FAM222B: variants seen among roughly 807,000 people sequenced by gnomAD.
FAM222B encodes family with sequence similarity 222 member B.
A neutral mutation model predicts 38.0 loss-of-function variants in FAM222B; 12 were observed. The observed-to-expected ratio is 0.32, with a 90% CI of 0.20 to 0.51. FAM222B has a LOEUF of 0.51. FAM222B is among the 20% of genes least tolerant of loss of function. The probability of loss-of-function intolerance (pLI) is 0.97; values close to 1 mark genes in which losing one functional copy is unlikely to be tolerated. For synonymous variants in FAM222B, 329 were observed against 317.2 expected (o/e 1.04, Z -0.40); for missense variants, 716 against 754.2 (o/e 0.95, Z 0.59).
intron 2 of FAM222B, among the ~76,000 whole-genome samples, chr17:28,762,317 C>G (rs1367428768): frequency 6.6e-6 from 1 of 152,152 alleles, no homozygotes; most frequent in Non-Finnish European, 1.5e-5. Context: ...ACATACCAGA[C>G]TTAAGCCTAA....
chr17:28,769,894 T>C (rs2035540991), intron 1 of FAM222B, among the ~76,000 whole-genome samples: 1 of 152,212 alleles, frequency 6.6e-6, no homozygotes, highest in Admixed American at 6.5e-5. Flanking sequence ...TACTTATTTT[T>C]CTAGCTCCCT....
chr17:28,794,763 T>C (rs924829289), intron 1 of FAM222B, among the ~76,000 whole-genome samples: 1 of 152,108 alleles, frequency 6.6e-6, no homozygotes, highest in African/African-American at 2.4e-5. Flanking sequence ...ATCCATCTTA[T>C]AAGGGTTACT....
chr17:28,768,811 G>A (rs541912980), intron 1 of FAM222B, among the ~76,000 whole-genome samples: 32 of 144,886 alleles, frequency 2.2e-4, no homozygotes, highest in South Asian at 4.5e-4. Flanking sequence ...ACTCCAGCCC[G>A]GGCCACAAGA....
At chr17:28,840,414 T>C (rs1799704422) in intron 1 of FAM222B, among the ~76,000 whole-genome samples, 2 of 152,034 alleles carry the variant, frequency 1.3e-5, no homozygotes, top group South Asian at 2.1e-4. Context: ...CATAAACACA[T>C]AGTTTGTCCT....
At chr17:28,826,596 G>C (rs1025137937) in intron 1 of FAM222B, among the ~76,000 whole-genome samples, 7 of 149,552 alleles carry the variant, frequency 4.7e-5, no homozygotes, top group Admixed American at 1.4e-4. Flanking sequence ...CAGGAGAATC[G>C]CTTATACCTG....
intron 1 of FAM222B, among the ~76,000 whole-genome samples, chr17:28,780,312 C>A (rs1049102232): frequency 6.6e-6 from 1 of 151,902 alleles, no homozygotes; most frequent in Non-Finnish European, 1.5e-5. Context: ...ACATCTAAAT[C>A]GGAAAGGAAG....
chr17:28,852,599 G>A (rs909174703), intron 1 of FAM222B, among the ~76,000 whole-genome samples: 1 of 151,860 alleles, frequency 6.6e-6, no homozygotes, highest in Non-Finnish European at 1.5e-5. Flanking sequence ...TTCAACCATT[G>A]CACTCCAGCC....
At chr17:28,846,972 C>T (rs896644935), upstream of FAM222B, among the ~76,000 whole-genome samples, 1 of 151,918 alleles carries the variant, frequency 6.6e-6, no homozygotes, top group Non-Finnish European at 1.5e-5. Context: ...GCCTGTAATC[C>T]CAGCACTTTG....
intron 1 of FAM222B, among the ~76,000 whole-genome samples, chr17:28,826,729 T>C (rs2038454507): frequency 6.6e-6 from 1 of 151,572 alleles, no homozygotes; most frequent in East Asian, 1.9e-4. Flanking sequence ...TTTGCCCTCA[T>C]TGGAATGTAA....
upstream of FAM222B, among the ~76,000 whole-genome samples, chr17:28,845,987 A>C (rs976187924): frequency 6.7e-6 from 1 of 150,082 alleles, no homozygotes; most frequent in Non-Finnish European, 1.5e-5. Context: ...GTGGATCACG[A>C]GGTCAGGAGA....
intron 1 of FAM222B, among the ~76,000 whole-genome samples, chr17:28,839,347 A>T (rs1177551038): frequency 6.6e-6 from 1 of 152,170 alleles, no homozygotes; most frequent in Non-Finnish European, 1.5e-5. Flanking sequence ...GGCAATCAAG[A>T]TACTAGCCCA....
intron 1 of FAM222B, among the ~76,000 whole-genome samples, chr17:28,792,059 C>T (rs1293323448): frequency 2.0e-5 from 3 of 151,470 alleles, no homozygotes; most frequent in East Asian, 2.0e-4. Flanking sequence ...CGCCTGTAAT[C>T]CCAGCACTTT....
chr17:28,842,545 CCAT>C (rs2039081799), intron 1 of FAM222B, 134 bp downstream of exon 1: 1 of 152,628 alleles, frequency 6.6e-6, no homozygotes, highest in Non-Finnish European at 1.5e-5. Context: ...CCAAATTCTC[CCAT>C]CATCACCTCA....
At chr17:28,803,053 G>C (rs1398527365) in intron 1 of FAM222B, among the ~76,000 whole-genome samples, 3 of 151,748 alleles carry the variant, frequency 2.0e-5, no homozygotes, top group East Asian at 1.9e-4. Flanking sequence ...CTGTTGCCTA[G>C]GCTGGAGTAC....
At chr17:28,838,489 A>T (rs2038925946) in intron 1 of FAM222B, among the ~76,000 whole-genome samples, 1 of 151,912 alleles carries the variant, frequency 6.6e-6, no homozygotes, top group Non-Finnish European at 1.5e-5. Context: ...CGGAGGCAGG[A>T]GAATGGCGTG....
intron 1 of FAM222B, among the ~76,000 whole-genome samples, chr17:28,770,269 A>G (rs2035560170): frequency 6.6e-6 from 1 of 152,208 alleles, no homozygotes; most frequent in African/African-American, 2.4e-5. Flanking sequence ...TGTTGACCAT[A>G]TAAAAGGCAG....
chr17:28,775,461 CAA>C lies in FAM222B; in HGVS notation c.-40-8756_-40-8755del, dbSNP rs11329881. 5.3e-3 allele frequency among the ~76,000 whole-genome samples: 716 copies of C among 135,374 alleles called. 5 individuals carry two copies. Among genetic ancestry groups the C allele is most frequent in the African/African-American group, 0.014 (519 of 36,636 alleles). 88.8% of individuals were successfully genotyped at this position (135,374 alleles called of 152,430 possible). ...TCTTCTGCCTTCCTTTCACTGCCTT[CAA>C]AAAAAAAAAAAAACACAGACAAAAA... On this transcript the variant is annotated intron_variant, in intron 1 of 2. Transcript: ENST00000581407.
chr17:28,829,919 G>A (rs2038603268), intron 1 of FAM222B, among the ~76,000 whole-genome samples: 1 of 151,558 alleles, frequency 6.6e-6, no homozygotes, highest in Admixed American at 6.6e-5. Context: ...GCGCGATCTC[G>A]GCTCACTGCA....
chr17:28,810,694 G>T (rs971734999), intron 1 of FAM222B, among the ~76,000 whole-genome samples: 1 of 152,138 alleles, frequency 6.6e-6, no homozygotes, highest in Non-Finnish European at 1.5e-5. Flanking sequence ...CCCAAAACCT[G>T]ACACAGGATT....
Sources: gnomAD v4.1 joint callset for allele counts (sites outside exome capture counted in the v4.1 genomes callset) on GRCh38, gnomAD v4.1.1 for gene constraint, MANE v1.5 for transcripts, NCBI Gene and HGNC (gene_info 2026-07-23, HGNC 2026-07-21) for gene names.